Variants in PRKAR1B observed in about 807,000 individuals in gnomAD.
PRKAR1B encodes protein kinase cAMP-dependent type I regulatory subunit beta.
PRKAR1B carries 22 observed loss-of-function variants against 46.5 expected under a neutral mutation model. That is an observed-to-expected ratio of 0.47 (90% CI 0.34 to 0.68). The LOEUF (loss-of-function observed/expected upper bound fraction) is 0.68. Among genes scored for constraint, PRKAR1B ranks in the 30% least tolerant of loss-of-function variants. PRKAR1B has a pLI of 0.01. For synonymous variants in PRKAR1B, 259 were observed against 217.7 expected (o/e 1.19, Z -1.67); for missense variants, 445 against 535.6 (o/e 0.83, Z 1.67).
chr7:638,495 C>T (rs992642393), intron 4 of PRKAR1B, among the ~76,000 whole-genome samples: 3 of 152,180 alleles, frequency 2.0e-5, no homozygotes, highest in African/African-American at 7.2e-5. Context: ...CTAGACACAT[C>T]ACGGGGCACA....
chr7:605,500 A>C (rs975728477), intron 6 of PRKAR1B, among the ~76,000 whole-genome samples: 1 of 152,198 alleles, frequency 6.6e-6, no homozygotes, highest in Non-Finnish European at 1.5e-5. Context: ...GGGTGATGTC[A>C]TGTGCCGTGT....
At chr7:676,850 T>C (rs982558552) in intron 4 of PRKAR1B, among the ~76,000 whole-genome samples, 7 of 150,186 alleles carry the variant, frequency 4.7e-5, no homozygotes, top group East Asian at 2.0e-4. Flanking sequence ...AGGGTGGTGG[T>C]GATTCCCGGG....
At position 607,415 on chromosome 7, in the gene PRKAR1B, C is replaced by A. The variant is rs772049509; in HGVS notation, c.478G>T (p.Ala160Ser). ...FDAMFPVTHI[A>S]GETVIQQGNE... ...CCTTGCTGTATAACAGTCTCCCCAG[C>A]GATGTGAGTGACAGGGAACATGGCA... Residue 160 changes from alanine (A) to serine (S), a missense_variant, in exon 5 of 11, where the codon GCT (alanine) becomes TCT (serine). By Grantham distance (99) the Ala-to-Ser change is moderately conservative. Transcript: ENST00000537384. 8.1e-6 allele frequency: 13 copies of A among 1,613,860 alleles called. No homozygotes were observed. The highest frequency in any genetic ancestry group is 1.1e-5 in the Non-Finnish European group (13 of 1,179,816).
intron 2 of PRKAR1B, among the ~76,000 whole-genome samples, chr7:686,732 G>A (rs946521351): frequency 6.6e-6 from 1 of 152,052 alleles, no homozygotes; most frequent in Non-Finnish European, 1.5e-5. Context: ...CCACAGCAGA[G>A]AAGAATTAAT....
intron 2 of PRKAR1B, among the ~76,000 whole-genome samples, chr7:688,758 C>T (rs551059320): frequency 3.3e-5 from 5 of 152,158 alleles, no homozygotes; most frequent in African/African-American, 9.7e-5. Context: ...TCAGCAGTTA[C>T]GTATTGCTGT....
intron 8 of PRKAR1B, among the ~76,000 whole-genome samples, chr7:582,824 G>A (rs768405347): frequency 2.0e-5 from 3 of 152,274 alleles, no homozygotes; most frequent in Non-Finnish European, 4.4e-5. Context: ...GGGACGCCCA[G>A]ACGGGCGGCA....
At chr7:599,787 C>T (rs1033507425) in intron 6 of PRKAR1B, among the ~76,000 whole-genome samples, 3 of 124,666 alleles carry the variant, frequency 2.4e-5, no homozygotes, top group South Asian at 2.5e-4. Flanking sequence ...CATGGGCAGG[C>T]CCCCCATTCA....
Position 550,465 on chromosome 7 carries a change from G to C in PRKAR1B, c.1111C>G (p.Gln371Glu), listed in dbSNP as rs758769513. 1.3e-6 allele frequency: 2 copies of C among 1,597,046 alleles called. No individual in the cohort carries two copies. The highest frequency in any genetic ancestry group is 1.1e-5 in the South Asian group (1 of 88,126). The change falls in exon 11 of 11, where the codon CAG becomes GAG. Residue 371 changes from glutamine (Q) to glutamate (E), a missense_variant. By Grantham distance (29) the Gln-to-Glu change is conservative. Transcript: ENST00000537384. ...PCSEILKRNI[Q>E]RYNSFISLTV is the part of the protein sequence containing the mutation. Reference sequence around the variant, plus strand: ...AGGGAGATGAAGCTGTTGTAACGCTGAATGTTCCTCTTGAGGATCTCAGAG... The same window carrying C: ...AGGGAGATGAAGCTGTTGTAACGCTCAATGTTCCTCTTGAGGATCTCAGAG...
intron 2 of PRKAR1B, among the ~76,000 whole-genome samples, chr7:705,032 C>G (rs1035675094): frequency 1.3e-5 from 2 of 152,110 alleles, no homozygotes; most frequent in African/African-American, 4.8e-5. Flanking sequence ...TGGCTCACGC[C>G]TGTAATCCCA....
chr7:645,255 G>A (rs989812334), intron 4 of PRKAR1B, among the ~76,000 whole-genome samples: 47 of 152,254 alleles, frequency 3.1e-4, no homozygotes, highest in African/African-American at 1.0e-3. Flanking sequence ...CCGAAGACGC[G>A]GCAGGAGGGA....
intron 6 of PRKAR1B, 23 bp from the exon 7 acceptor site, chr7:596,327 G>A: frequency 6.3e-7 from 1 of 1,593,464 alleles, no homozygotes; most frequent in Non-Finnish European, 8.6e-7. Context: ...AGAGAGAGAA[G>A]TGTCACGGGG....
At chr7:727,188 C>T (rs1218737924) in intron 1 of PRKAR1B, 22 bp downstream of exon 1, 2 of 1,342,752 alleles carry the variant, frequency 1.5e-6, no homozygotes, top group East Asian at 3.4e-5. Context: ...TGGACCTGTG[C>T]GGCGCCGCGC....
At chr7:589,457 T>G (rs1030982644) in intron 7 of PRKAR1B, among the ~76,000 whole-genome samples, 2 of 151,390 alleles carry the variant, frequency 1.3e-5, no homozygotes, top group African/African-American at 4.9e-5. Context: ...TCCCAGAAGG[T>G]GATGACGATA....
In PRKAR1B at chr7:608,758, T is replaced by C. The variant is rs111897169; in HGVS notation, c.441-1306A>G. 5.8e-3 allele frequency among the ~76,000 whole-genome samples: 530 copies of C among 91,266 alleles called. 44 individuals carry two copies. The highest frequency in any genetic ancestry group is 0.022 in the African/African-American group (393 of 17,970). The allele number at this position is 91,266 out of a possible 152,430, so 59.9% of individuals were successfully genotyped here. On this transcript the variant is annotated intron_variant, in intron 4 of 10. Coordinates refer to ENST00000537384, the MANE Select transcript of PRKAR1B (RefSeq NM_001164760.2). ...TGTGTGGCAGGGCTGTAGGGAAGGC[T>C]GGGGGGCCTCCACTGTCCTCCCACC...
intron 1 of PRKAR1B, among the ~76,000 whole-genome samples, chr7:715,877 G>C (rs570653618): frequency 6.6e-6 from 1 of 151,958 alleles, no homozygotes; most frequent in Non-Finnish European, 1.5e-5. Flanking sequence ...CACCGCGCCC[G>C]GCTAATTTTT....
chr7:558,439 A>G (rs1562517506), intron 9 of PRKAR1B, among the ~76,000 whole-genome samples: 1 of 152,042 alleles, frequency 6.6e-6, no homozygotes, highest in East Asian at 1.9e-4. Flanking sequence ...ATTTTCTACA[A>G]TGGGCAGGTA....
At position 644,780 on chromosome 7, in the gene PRKAR1B, C is replaced by T. The variant is rs1411785819; in HGVS notation, c.440+32449G>A. On this transcript the variant is annotated intron_variant, in intron 4 of 10. Transcript: ENST00000537384. This position sits in a 1 kb window ranked among gnomAD's most constrained non-coding sequence, Gnocchi z 4.9. Reference sequence around the variant, plus strand: ...ACCAGGGCCAGACCCTTCCCCCAGACACCTCCCATAGCCTTCCAGGGAAGC... The same window carrying T: ...ACCAGGGCCAGACCCTTCCCCCAGATACCTCCCATAGCCTTCCAGGGAAGC... Among the ~76,000 whole-genome samples the T allele has an allele frequency of 6.6e-6, 1 of 152,212 alleles. No individual in the cohort carries two copies. Among genetic ancestry groups the T allele is most frequent in the Non-Finnish European group, 1.5e-5 (1 of 68,032 alleles).
chr7:709,606 G>C (rs565887452), intron 2 of PRKAR1B, among the ~76,000 whole-genome samples: 1 of 152,022 alleles, frequency 6.6e-6, no homozygotes, highest in African/African-American at 2.4e-5. Context: ...TCCTGACCTC[G>C]TGATCTGCCC....
chr7:574,793 G>C (rs1192395067), intron 9 of PRKAR1B, among the ~76,000 whole-genome samples: 1 of 152,214 alleles, frequency 6.6e-6, no homozygotes, highest in Non-Finnish European at 1.5e-5. Flanking sequence ...ATATCAACAA[G>C]TAATCCAAAT....
Sources: gnomAD v4.1 joint callset for allele counts (sites outside exome capture counted in the v4.1 genomes callset) on GRCh38, gnomAD v4.1.1 for gene constraint, Gnocchi (gnomAD v3.1) non-coding constraint, MANE v1.5 for transcripts, NCBI Gene and HGNC (gene_info 2026-07-23, HGNC 2026-07-21) for gene names.